Variants in PRAMEF12 observed in about 807,000 individuals in gnomAD.
PRAMEF12 encodes the protein PRAME family member 12.
PRAMEF12 carries 24 observed loss-of-function variants against 24.6 expected under a neutral mutation model. The observed-to-expected ratio is 0.98, with a 90% CI of 0.71 to 1.37. The LOEUF is 1.37. Ranked by LOEUF, PRAMEF12 falls within the 40% of genes most tolerant of loss-of-function variation. The pLI is 0.00. For synonymous variants in PRAMEF12, 286 were observed against 242.6 expected (o/e 1.18, Z -1.66); for missense variants, 646 against 580.3 (o/e 1.11, Z -1.16).
Position 12,775,861 on chromosome 1 carries a change from A to G in PRAMEF12, c.606A>G (p.Leu202=), listed in dbSNP as rs750418153. Residue 202 remains leucine, a synonymous_variant, in exon 2 of 3, where the codon CTA becomes CTG. Transcript: ENST00000357726. ...RIIEVLNTVE[L]DCIQEVEVCC... is the part of the protein sequence containing the mutation. ...TAGAGGTCCTGAACACGGTGGAGCT[A>G]GACTGTATCCAGGAGGTGGAAGTGT... 6.2e-7 allele frequency: 1 copy of G among 1,614,072 alleles called. No individual in the cohort carries two copies. Among genetic ancestry groups the G allele is most frequent in the Admixed American group, 1.7e-5 (1 of 60,016 alleles).
chr1:12,776,658 T>A (rs1639055712), intron 2 of PRAMEF12, among the ~76,000 whole-genome samples: 1 of 152,114 alleles, frequency 6.6e-6, no homozygotes, highest in South Asian at 2.1e-4. Flanking sequence ...GATACGGGCA[T>A]GTCAGGGTCT....
chr1:12,775,722 G>C lies in PRAMEF12; in HGVS notation c.467G>C (p.Gly156Ala), dbSNP rs1414829804. 2 of 1,613,792 alleles carry C rather than the reference G, an allele frequency of 1.2e-6. No homozygotes were observed. Among genetic ancestry groups the C allele is most frequent in the East Asian group, 4.5e-5 (2 of 44,800 alleles). Residue 156 changes from glycine to alanine, a missense_variant, in exon 2 of 3, where the codon GGG becomes GCG. Coordinates refer to ENST00000357726, the MANE Select transcript of PRAMEF12 (RefSeq NM_001080830.5). Reference protein sequence around the residue: ...MVILDLCFKNGTLDECLTHFL... With the variant: ...MVILDLCFKNATLDECLTHFL... ...ATCCTAGACCTTTGCTTCAAGAATG[G>C]GACGCTGGATGAATGCCTCACCCAC... is the stretch of plus-strand genomic sequence containing the variant.
At position 12,775,973 on chromosome 1, in the gene PRAMEF12, A is replaced by T. The variant is rs1223012756; in HGVS notation, c.718A>T (p.Ile240Phe). ...RNLRKLVLFN[I>F]HVSACIPLDR... is the part of the protein sequence containing the mutation. ...TCTCCGCAAACTTGTTCTCTTCAAC[A>T]TCCATGTCTCTGCCTGCATTCCCCT... Residue 240 changes from isoleucine (I) to phenylalanine (F), a missense_variant, in exon 2 of 3, where the codon ATC (isoleucine) becomes TTC (phenylalanine). By Grantham distance (21) the Ile-to-Phe change is conservative. Coordinates refer to ENST00000357726, the MANE Select transcript of PRAMEF12 (RefSeq NM_001080830.5). The T allele has an allele frequency of 5.0e-6, 8 of 1,613,978 alleles. No individual in the cohort carries two copies. In the East Asian group the frequency reaches 1.8e-4, roughly 36 times the overall value.
At position 12,777,061 on chromosome 1, in the gene PRAMEF12, C is replaced by CA. The variant is rs755557516; in HGVS notation, c.915dup (p.Glu306ArgfsTer32). 1.2e-6 allele frequency: 2 copies of CA among 1,614,066 alleles called. No homozygotes were observed. The highest frequency in any genetic ancestry group is 4.5e-5 in the East Asian group (2 of 44,884). On this transcript the variant is annotated frameshift_variant, in exon 3 of 3. Transcript: ENST00000357726. LOFTEE classifies it low-confidence loss of function (END_TRUNC). Reference sequence around the variant, plus strand: ...GTCGTAATGACCGAATGCCTGCTGTCAGAGTCGGACCTGAAGCATCTCTCT... The same window carrying CA: ...GTCGTAATGACCGAATGCCTGCTGTCAAGAGTCGGACCTGAAGCATCTCTCT...
At position 12,775,517 on chromosome 1, in the gene PRAMEF12, G is replaced by A. The variant is rs750562908; in HGVS notation, c.288-26G>A. 3.8e-6 allele frequency: 6 copies of A among 1,573,166 alleles called. No homozygotes were observed. In the East Asian group the frequency reaches 1.4e-4, roughly 35 times the overall value. ...AAAGCTCAAATCCTTCCTAAATTTG[G>A]AGCCTCTCTTCTCTTTTACCCACAG... On this transcript the variant is annotated intron_variant, in intron 1 of 2. Transcript: ENST00000357726.
Position 12,777,348 on chromosome 1 carries a change from G to A in PRAMEF12, c.1201G>A (p.Val401Ile), listed in dbSNP as rs201843122. 9.0e-5 allele frequency: 145 copies of A among 1,613,544 alleles called. No individual in the cohort carries two copies. The East Asian group carries it at 1.9e-3, about 21-fold the overall frequency. Residue 401 changes from valine to isoleucine, a missense_variant, in exon 3 of 3, where the codon GTC becomes ATC. Val to Ile is a conservative substitution (Grantham distance 29, BLOSUM62 3). Coordinates refer to ENST00000357726, the MANE Select transcript of PRAMEF12 (RefSeq NM_001080830.5). ...CCTGGAGAACCTGCTGCGCCACACC[G>A]TCGGGCTGAGCAAGCTAAGCCTGGA... ...AALENLLRHT[V>I]GLSKLSLELY...
At position 12,777,612 on chromosome 1, in the gene PRAMEF12, G is replaced by A; in HGVS notation, c.*13G>A. The stretch of plus-strand genomic sequence containing the variant: ...TGGATTTATTTAAAGCTTTCTTCTG[G>A]TCATTTGGCAACTGAATCCTAGGCC... On this transcript the variant is annotated 3_prime_UTR_variant, in exon 3 of 3. Transcript: ENST00000357726. 2 of 1,613,784 alleles carry A rather than the reference G, an allele frequency of 1.2e-6. No homozygotes were observed. The highest frequency in any genetic ancestry group is 1.7e-6 in the Non-Finnish European group (2 of 1,179,802).
chr1:12,777,508 TC>T lies in PRAMEF12; in HGVS notation c.1365del (p.Cys456AlafsTer19). On this transcript the variant is annotated frameshift_variant, in exon 3 of 3. Coordinates refer to ENST00000357726, the MANE Select transcript of PRAMEF12 (RefSeq NM_001080830.5). LOFTEE classifies it low-confidence loss of function (END_TRUNC). Reference sequence around the variant, plus strand: ...CCCAAGATAATTGTGTTCAGCACTGTCCCCTGCCCTCGCTGTGGCATCAGGG... The same window carrying T: ...CCCAAGATAATTGTGTTCAGCACTGTCCCTGCCCTCGCTGTGGCATCAGGG... ...RQPKIIVFST[V>X]PCPRCGIRAS... 2 of 1,614,098 alleles carry T rather than the reference TC, an allele frequency of 1.2e-6. No homozygotes were observed. Among genetic ancestry groups the T allele is most frequent in the Non-Finnish European group, 1.7e-6 (2 of 1,180,016 alleles).
chr1:12,777,132 A>T lies in PRAMEF12; in HGVS notation c.985A>T (p.Ile329Phe). 6.2e-7 allele frequency: 1 copy of T among 1,613,952 alleles called. No homozygotes were observed. Among genetic ancestry groups the T allele is most frequent in the Non-Finnish European group, 8.5e-7 (1 of 1,179,994 alleles). The change falls in exon 3 of 3, where the codon ATC (isoleucine) becomes TTC (phenylalanine). Residue 329 changes from isoleucine (I) to phenylalanine (F), a missense_variant. Ile to Phe is a conservative substitution (Grantham distance 21, BLOSUM62 0). Coordinates refer to ENST00000357726, the MANE Select transcript of PRAMEF12 (RefSeq NM_001080830.5). ...GCTAAAAGAGCTAGACCTGAGGGGC[A>T]TCACACTGACCCATTTCAGTCCTGA... ...RQLKELDLRGITLTHFSPEPL... is the reference protein window; with the variant it reads ...RQLKELDLRGFTLTHFSPEPL...
In PRAMEF12 at chr1:12,777,397, G is replaced by C; in HGVS notation, c.1250G>C (p.Ser417Thr). 6.2e-7 allele frequency: 1 copy of C among 1,613,912 alleles called. No individual in the cohort carries two copies. Among genetic ancestry groups the C allele is most frequent in the Non-Finnish European group, 8.5e-7 (1 of 1,179,878 alleles). ...SLELYPAPLESYDAQGALCWG... is the reference protein window; with the variant it reads ...SLELYPAPLETYDAQGALCWG... Reference sequence around the variant, plus strand: ...GAGCTGTATCCTGCCCCTCTGGAGAGTTATGATGCCCAGGGTGCTCTCTGC... The same window carrying C: ...GAGCTGTATCCTGCCCCTCTGGAGACTTATGATGCCCAGGGTGCTCTCTGC... Residue 417 changes from serine (S) to threonine (T), a missense_variant, in exon 3 of 3, where the codon AGT becomes ACT. By Grantham distance (58) the Ser-to-Thr change is moderately conservative. Transcript: ENST00000357726.
chr1:12,775,743 C>A lies in PRAMEF12; in HGVS notation c.488C>A (p.Thr163Asn). ...FKNGTLDECL[T>N]HFLEWGKQRK... Reference sequence around the variant, plus strand: ...AATGGGACGCTGGATGAATGCCTCACCCACTTCTTAGAGTGGGGCAAGCAG... The same window carrying A: ...AATGGGACGCTGGATGAATGCCTCAACCACTTCTTAGAGTGGGGCAAGCAG... Residue 163 changes from threonine (T) to asparagine (N), a missense_variant, in exon 2 of 3, where the codon ACC becomes AAC. Thr to Asn is a moderately conservative substitution (Grantham distance 65). Transcript: ENST00000357726. 6.2e-7 allele frequency: 1 copy of A among 1,613,776 alleles called. No homozygotes were observed. The highest frequency in any genetic ancestry group is 8.5e-7 in the Non-Finnish European group (1 of 1,179,982).
chr1:12,776,190 G>T (rs1639049810), intron 2 of PRAMEF12, 72 bp downstream of exon 2: 3 of 1,475,524 alleles, frequency 2.0e-6, no homozygotes, highest in Non-Finnish European at 1.9e-6. Flanking sequence ...ACACCAGGGG[G>T]TATCTACTGT....
chr1:12,775,864 C>A lies in PRAMEF12; in HGVS notation c.609C>A (p.Asp203Glu), dbSNP rs1444590579. The A allele has an allele frequency of 3.1e-6, 5 of 1,613,976 alleles. No individual in the cohort carries two copies. In the African/African-American group the frequency reaches 6.7e-5, roughly 22 times the overall value. Residue 203 changes from aspartate to glutamate, a missense_variant, in exon 2 of 3, where the codon GAC (aspartate) becomes GAA (glutamate). Transcript: ENST00000357726. ...IIEVLNTVEL[D>E]CIQEVEVCCP... ...AGGTCCTGAACACGGTGGAGCTAGA[C>A]TGTATCCAGGAGGTGGAAGTGTGCT...
chr1:12,777,569 G>A lies in PRAMEF12; in HGVS notation c.1422G>A (p.Leu474=). 6.2e-7 allele frequency: 1 copy of A among 1,614,172 alleles called. No homozygotes were observed. Among genetic ancestry groups the A allele is most frequent in the African/African-American group, 1.3e-5 (1 of 75,014 alleles). The change falls in exon 3 of 3, where the codon TTG becomes TTA. Residue 474 remains leucine, a synonymous_variant. Coordinates refer to ENST00000357726, the MANE Select transcript of PRAMEF12 (RefSeq NM_001080830.5). ...SYDLEPSHCL[L]NACCQGGFI Reference sequence around the variant, plus strand: ...ACCTGGAGCCCAGTCACTGTCTGTTGAATGCCTGCTGTCAGGGTGGATTTA... The same window carrying A: ...ACCTGGAGCCCAGTCACTGTCTGTTAAATGCCTGCTGTCAGGGTGGATTTA...
chr1:12,775,831 G>A lies in PRAMEF12; in HGVS notation c.576G>A (p.Arg192=). 6.2e-7 allele frequency: 1 copy of A among 1,614,068 alleles called. No homozygotes were observed. Among genetic ancestry groups the A allele is most frequent in the South Asian group, 1.1e-5 (1 of 91,072 alleles). ...AGATTTTTGGAATAGCCATCCACAG[G>A]ATCATAGAGGTCCTGAACACGGTGG... The part of the protein sequence containing the change: ...ELQIFGIAIH[R]IIEVLNTVEL... Residue 192 remains arginine (R), a synonymous_variant, in exon 2 of 3, where the codon AGG becomes AGA. Transcript: ENST00000357726.
rs756430499 is a variant in PRAMEF12, at chr1:12,777,077, G to A, written c.930G>A (p.Lys310=). 4 of 1,613,704 alleles carry A rather than the reference G, an allele frequency of 2.5e-6. No individual in the cohort carries two copies. Among genetic ancestry groups the A allele is most frequent in the African/African-American group, 1.3e-5 (1 of 74,788 alleles). ...GCCTGCTGTCAGAGTCGGACCTGAA[G>A]CATCTCTCTTGGTGCCCGAGCATCC... is the stretch of plus-strand genomic sequence containing the variant. ...TECLLSESDL[K]HLSWCPSIRQ... is the part of the protein sequence containing the mutation. Residue 310 remains lysine, a synonymous_variant, in exon 3 of 3, where the codon AAG becomes AAA. Transcript: ENST00000357726.
At chr1:12,776,959 C>G in intron 2 of PRAMEF12, 52 bp from the exon 3 acceptor site, 1 of 1,542,988 alleles carries the variant, frequency 6.5e-7, no homozygotes, top group Non-Finnish European at 8.8e-7. Context: ...TCATCTCTCA[C>G]CTTGAGGTCT....
chr1:12,777,573 G>C lies in PRAMEF12; in HGVS notation c.1426G>C (p.Ala476Pro), dbSNP rs1413719633. 1 of 1,614,194 alleles carries C rather than the reference G, an allele frequency of 6.2e-7. No homozygotes were observed. The highest frequency in any genetic ancestry group is 1.7e-5 in the Admixed American group (1 of 60,028). The part of the protein sequence containing the change: ...DLEPSHCLLN[A>P]CCQGGFI ...GGAGCCCAGTCACTGTCTGTTGAAT[G>C]CCTGCTGTCAGGGTGGATTTATTTA... is the stretch of plus-strand genomic sequence containing the variant. The change falls in exon 3 of 3, where the codon GCC becomes CCC. Residue 476 changes from alanine (A) to proline (P), a missense_variant. Physicochemically the swap from Ala to Pro is conservative, Grantham distance 27 (BLOSUM62 -1). Transcript: ENST00000357726.
chr1:12,775,466 A>T, intron 1 of PRAMEF12, 77 bp from the exon 2 acceptor site: 1 of 1,319,880 alleles, frequency 7.6e-7, no homozygotes, highest in East Asian at 2.3e-5. Context: ...CAGGGAGGAG[A>T]GTCGCTGATG....
Sources: allele counts gnomAD v4.1 joint callset (sites outside exome capture counted in the v4.1 genomes callset), GRCh38; gene constraint gnomAD v4.1.1; transcripts MANE v1.5; gene names NCBI Gene and HGNC (gene_info 2026-07-23, HGNC 2026-07-21).